NALF1: variants seen among roughly 807,000 people sequenced by gnomAD.
The protein encoded by NALF1 is NALCN channel auxiliary factor 1, also known as family with sequence similarity 155 member A.
Under a neutral mutation model 48.4 loss-of-function variants are expected in NALF1, and 3 were observed. That is an observed-to-expected ratio of 0.06 (90% confidence interval 0.03 to 0.16). The LOEUF is 0.16. NALF1 is among the 10% of genes least tolerant of loss of function. The pLI is 1.00. For synonymous variants in NALF1, 262 were observed against 245.7 expected (o/e 1.07, Z -0.62); for missense variants, 526 against 571.5 (o/e 0.92, Z 0.81).
chr13:107,231,438 T>TC (rs893530500), intron 1 of NALF1, among the ~76,000 whole-genome samples: 33 of 152,152 alleles, frequency 2.2e-4, no homozygotes, highest in African/African-American at 7.7e-4. Context: ...CTGGTATATT[T>TC]CCCCCAACCC....
At chr13:107,470,906 T>C (rs1885090482) in intron 1 of NALF1, among the ~76,000 whole-genome samples, 1 of 152,218 alleles carries the variant, frequency 6.6e-6, no homozygotes, top group African/African-American at 2.4e-5. Flanking sequence ...TCACATATTT[T>C]ACATGCTTTT....
chr13:107,758,693 G>T (rs1221656835), intron 1 of NALF1, among the ~76,000 whole-genome samples: 1 of 151,964 alleles, frequency 6.6e-6, no homozygotes, highest in Non-Finnish European at 1.5e-5. Flanking sequence ...TGCACTCCAG[G>T]CTGGTGACAG....
At chr13:107,367,428 G>A (rs1373479893) in intron 1 of NALF1, among the ~76,000 whole-genome samples, 1 of 152,154 alleles carries the variant, frequency 6.6e-6, no homozygotes, top group Non-Finnish European at 1.5e-5. Flanking sequence ...TGAAGAGCTG[G>A]AGGACAAAGT....
At chr13:107,525,863 G>A (rs77467871) in intron 1 of NALF1, among the ~76,000 whole-genome samples, 33 of 152,108 alleles carry the variant, frequency 2.2e-4, no homozygotes, top group Admixed American at 2.1e-3. Context: ...GTATTCTATA[G>A]TGATTTTAAA....
intron 1 of NALF1, among the ~76,000 whole-genome samples, chr13:107,290,342 C>T (rs9555341): frequency 0.78 from 118,404 of 151,982 alleles, 47,257 homozygotes; most frequent in Non-Finnish European, 0.87. Flanking sequence ...GATGTCGATA[C>T]GGTTTGGCTG....
chr13:107,813,839 G>A (rs754941897), intron 1 of NALF1, among the ~76,000 whole-genome samples: 74 of 152,116 alleles, frequency 4.9e-4, no homozygotes, highest in Non-Finnish European at 6.2e-4. Context: ...GTGTTGCTGA[G>A]ATTCAAGATC....
chr13:107,642,418 T>C (rs184811234), intron 1 of NALF1, among the ~76,000 whole-genome samples: 1 of 152,326 alleles, frequency 6.6e-6, no homozygotes, highest in East Asian at 1.9e-4. Context: ...TTATAGAATT[T>C]TGGTTTCCAA....
At chr13:107,235,728 T>C (rs1880328305) in intron 1 of NALF1, among the ~76,000 whole-genome samples, 1 of 152,236 alleles carries the variant, frequency 6.6e-6, no homozygotes, top group Non-Finnish European at 1.5e-5. Flanking sequence ...GGGCTGTCTG[T>C]CATTTGTTTG....
intron 1 of NALF1, among the ~76,000 whole-genome samples, chr13:107,651,498 G>A (rs1594184979): frequency 6.6e-6 from 1 of 152,168 alleles, no homozygotes; most frequent in East Asian, 1.9e-4. Flanking sequence ...GCAAAACTAT[G>A]TTTGAAAGTA....
At chr13:107,353,886 A>T (rs577168395) in intron 1 of NALF1, among the ~76,000 whole-genome samples, 2 of 152,314 alleles carry the variant, frequency 1.3e-5, no homozygotes, top group African/African-American at 4.8e-5. Flanking sequence ...TCCTATACTT[A>T]AAAAGAGGAA....
chr13:107,454,966 G>A (rs1884800538), intron 1 of NALF1, among the ~76,000 whole-genome samples: 1 of 152,174 alleles, frequency 6.6e-6, no homozygotes, highest in African/African-American at 2.4e-5. Flanking sequence ...GTTCGACTTT[G>A]TGTCCCACCC....
At chr13:107,256,363 A>G (rs1282565446) in intron 1 of NALF1, among the ~76,000 whole-genome samples, 3 of 152,186 alleles carry the variant, frequency 2.0e-5, no homozygotes, top group African/African-American at 7.2e-5. Context: ...TAACGGGAGT[A>G]TTTACACCAC....
intron 1 of NALF1, among the ~76,000 whole-genome samples, chr13:107,283,666 T>TTTGTTG (rs1368165719): frequency 6.6e-6 from 1 of 151,304 alleles, no homozygotes; most frequent in Non-Finnish European, 1.5e-5. Context: ...ATTTACTATT[T>TTTGTTG]TTGTTGTTGT....
intron 1 of NALF1, among the ~76,000 whole-genome samples, chr13:107,414,280 A>C (rs1206707882): frequency 6.6e-6 from 1 of 151,704 alleles, no homozygotes; most frequent in Non-Finnish European, 1.5e-5. Context: ...ATTTGGTAAA[A>C]CATCTGAAGT....
At chr13:107,181,440 T>C (rs1879058347) in intron 2 of NALF1, among the ~76,000 whole-genome samples, 1 of 151,746 alleles carries the variant, frequency 6.6e-6, no homozygotes, top group Non-Finnish European at 1.5e-5. Flanking sequence ...GTATTTTATA[T>C]TATCTTTTGT....
intron 1 of NALF1, among the ~76,000 whole-genome samples, chr13:107,503,199 G>C (rs184895793): frequency 9.9e-5 from 15 of 152,102 alleles, no homozygotes; most frequent in Non-Finnish European, 1.6e-4. Context: ...TTGAAACTGT[G>C]GCCTTTGCAG....
At chr13:107,781,306 C>T (rs1405259257) in intron 1 of NALF1, among the ~76,000 whole-genome samples, 1 of 152,110 alleles carries the variant, frequency 6.6e-6, no homozygotes, top group Non-Finnish European at 1.5e-5. Context: ...TGCTATATGA[C>T]AGAGTATCTA....
At chr13:107,727,564 T>C (rs901797846) in intron 1 of NALF1, among the ~76,000 whole-genome samples, 1 of 152,130 alleles carries the variant, frequency 6.6e-6, no homozygotes, top group Non-Finnish European at 1.5e-5. Context: ...TGTAATTTCA[T>C]CAGCTTCTAA....
intron 1 of NALF1, among the ~76,000 whole-genome samples, chr13:107,325,759 T>A (rs1882339482): frequency 6.7e-6 from 1 of 149,526 alleles, no homozygotes; most frequent in Non-Finnish European, 1.5e-5. Context: ...GAGGATTGCT[T>A]GAACCTGGTA....
Sources: allele counts gnomAD v4.1 joint callset (sites outside exome capture counted in the v4.1 genomes callset), GRCh38; gene constraint gnomAD v4.1.1; transcripts MANE v1.5; gene names NCBI Gene and HGNC (gene_info 2026-07-23, HGNC 2026-07-21).